The following MTX1 variants were observed in gnomAD, a reference collection of about 807,000 sequenced individuals.
MTX1 encodes the protein metaxin 1.
MTX1 carries 20 observed loss-of-function variants against 39.4 expected under a neutral mutation model. The observed-to-expected ratio is 0.51, with a 90% CI of 0.36 to 0.74. MTX1 has a LOEUF of 0.74. Among genes scored for constraint, MTX1 ranks in the 30% least tolerant of loss-of-function variants. MTX1 has a pLI of 0.00. For missense variants in MTX1, 481 were observed against 485.9 expected, an observed-to-expected ratio of 0.99 and a Z score of 0.10; for synonymous variants, 209 against 198.6, an observed-to-expected ratio of 1.05 and a Z score of -0.44.
intron 6 of MTX1, 152 bp downstream of exon 6, chr1:155,212,922 G>C (rs1268138248): frequency 6.4e-6 from 9 of 1,404,532 alleles, no homozygotes; most frequent in Non-Finnish European, 8.6e-6. Flanking sequence ...GTGTGACTGT[G>C]TGGGGGCCAG....
Position 155,213,362 on chromosome 1 carries a change from T to G in MTX1, c.1157T>G (p.Ile386Ser), listed in dbSNP as rs1571951154. ...AACCTCTGTGCCTATTGTACCCACA[T>G]TCTCAGTCTCTACTTCCCCTGGGAT... ...LHNLCAYCTHILSLYFPWDGA... is the reference protein window; with the variant it reads ...LHNLCAYCTHSLSLYFPWDGA... The change falls in exon 7 of 8, where the codon ATT (isoleucine) becomes AGT (serine). Residue 386 changes from isoleucine (I) to serine (S), a missense_variant. Physicochemically the swap from Ile to Ser is moderately radical, Grantham distance 142. Around this residue, in one of 2 missense-constraint regions of MTX1, gnomAD observed 113 missense variants for 153.2 expected, o/e 0.74. Transcript: ENST00000368376. 4.9e-6 allele frequency: 2 copies of G among 408,682 alleles called. No individual in the cohort carries two copies. Among genetic ancestry groups the G allele is most frequent in the Non-Finnish European group, 8.2e-6 (2 of 243,104 alleles). The allele number at this position is 408,682 out of a possible 1,614,324, so 25.3% of individuals were successfully genotyped here. A position where few individuals can be genotyped will look rare whatever the true frequency, so the allele number is the denominator to read the frequency against.
intron 3 of MTX1, chr1:155,211,826 T>C: frequency 3.8e-6 from 1 of 260,986 alleles, no homozygotes. Context: ...TCAGCGGGCG[T>C]TGTTCCAGCT....
At chr1:155,212,900 G>A in intron 6 of MTX1, 130 bp downstream of exon 6, 1 of 1,333,252 alleles carries the variant, frequency 7.5e-7, no homozygotes, top group Non-Finnish European at 9.9e-7. Flanking sequence ...ATAGAAACTG[G>A]CCCTAGTGAC....
Position 155,210,641 on chromosome 1 carries a change from A to G in MTX1, c.678+14A>G. 1 of 1,610,342 alleles carries G rather than the reference A, an allele frequency of 6.2e-7. No individual in the cohort carries two copies. Among genetic ancestry groups the G allele is most frequent in the Non-Finnish European group, 8.5e-7 (1 of 1,177,268 alleles). ...CTTCGAAAAGAGGTAGGTGACTTGG[A>G]TAGAGGGGGCTGCCAGTGAGAGAAG... On this transcript the variant is annotated intron_variant, in intron 3 of 7. Coordinates refer to ENST00000368376, the MANE Select transcript of MTX1 (RefSeq NM_002455.5).
intron 3 of MTX1, chr1:155,211,075 G>C (rs1671117535): frequency 5.2e-6 from 1 of 192,416 alleles, no homozygotes; most frequent in Non-Finnish European, 1.1e-5. Flanking sequence ...TGTGATCTCG[G>C]GCAGGCCATG....
Position 155,212,536 on chromosome 1 carries a change from G to A in MTX1, c.923G>A (p.Arg308Lys), listed in dbSNP as rs1671165167. ...CTACAGCTGCTGACTGGGGAGCACA[G>A]GCCTGAGGACGAGGAAGAGCTGGAG... ...ERLQLLTGEH[R>K]PEDEEELEKE... The change falls in exon 5 of 8, where the codon AGG becomes AAG. Residue 308 changes from arginine to lysine, a missense_variant. Arg to Lys is a conservative substitution (Grantham distance 26). Around this residue, in one of 2 missense-constraint regions of MTX1, gnomAD observed 113 missense variants for 153.2 expected, o/e 0.74. Transcript: ENST00000368376. The A allele has an allele frequency of 5.0e-6, 8 of 1,612,914 alleles. No individual in the cohort carries two copies. The highest frequency in any genetic ancestry group is 2.2e-5 in the South Asian group (2 of 91,062).
Position 155,209,183 on chromosome 1 carries a change from G to C in MTX1, c.379G>C (p.Gly127Arg). The C allele has an allele frequency of 6.8e-7, 1 of 1,479,930 alleles. No homozygotes were observed. The highest frequency in any genetic ancestry group is 9.0e-7 in the Non-Finnish European group (1 of 1,113,814). 91.7% of individuals were successfully genotyped at this position (1,479,930 alleles called of 1,614,324 possible). A position where few individuals can be genotyped will look rare whatever the true frequency, so the allele number is the denominator to read the frequency against. ...CGCAACGATCGGAGGGGCGGTGGCGGGGGGCGGGCCCAGGCAGGGGAGGGC... is the reference window on the plus strand; with the variant it reads ...CGCAACGATCGGAGGGGCGGTGGCGCGGGGCGGGCCCAGGCAGGGGAGGGC... ...LTATIGGAVA[G>R]GGPRQGRAEA... is the part of the protein sequence containing the mutation. The change falls in exon 1 of 8, where the codon GGG becomes CGG. Residue 127 changes from glycine (G) to arginine (R), a missense_variant. Physicochemically the swap from Gly to Arg is moderately radical, Grantham distance 125 (BLOSUM62 -2). Transcript: ENST00000368376.
In MTX1 at chr1:155,209,141, TC is replaced by T. The variant is rs1341220709; in HGVS notation, c.341del (p.Pro114GlnfsTer4). On this transcript the variant is annotated frameshift_variant, in exon 1 of 8. Transcript: ENST00000368376. LOFTEE classifies it high-confidence loss of function. The part of the protein sequence containing the change: ...ARRSLASPGI[S>X]PGPLTATIGG... The stretch of plus-strand genomic sequence containing the variant: ...AAGAAGCCTCGCCTCCCCGGGGATC[TC>T]CCCAGGCCCCCTGACCGCAACGATC... The T allele has an allele frequency of 1.3e-6, 2 of 1,531,028 alleles. No homozygotes were observed. Among genetic ancestry groups the T allele is most frequent in the East Asian group, 2.5e-5 (1 of 40,384 alleles). 94.8% of individuals were successfully genotyped at this position (1,531,028 alleles called of 1,614,324 possible). A position where few individuals can be genotyped will look rare whatever the true frequency, so the allele number is the denominator to read the frequency against.
At position 155,208,864 on chromosome 1, in the gene MTX1, G is replaced by C. The variant is rs368634289; in HGVS notation, c.60G>C (p.Trp20Cys). The C allele has an allele frequency of 6.2e-7, 1 of 1,610,506 alleles. No homozygotes were observed. Among genetic ancestry groups the C allele is most frequent in the East Asian group, 2.2e-5 (1 of 44,768 alleles). The change falls in exon 1 of 8, where the codon TGG becomes TGC. Residue 20 changes from tryptophan to cysteine, a missense_variant. By Grantham distance (215) the Trp-to-Cys change is radical. Coordinates refer to ENST00000368376, the MANE Select transcript of MTX1 (RefSeq NM_002455.5). The stretch of plus-strand genomic sequence containing the variant: ...CGGGGACGAGCCCCAAGGGGCCCTG[G>C]AGCAGTACAGGCCACGTGCAGTTTG... ...PRSGTSPKGP[W>C]SSTGHVQFGK...
intron 3 of MTX1, 52 bp downstream of exon 3, chr1:155,210,679 T>C: frequency 6.7e-7 from 1 of 1,500,150 alleles, no homozygotes; most frequent in Non-Finnish European, 9.3e-7. Context: ...CAGTCAATTC[T>C]ATACAATACA....
Position 155,213,219 on chromosome 1 carries a change from C to T in MTX1, c.1032-18C>T, listed in dbSNP as rs1315063209. ...CCCAGTGGTTCTCCTCCATCCCACC[C>T]TTCTCTCTCTGCTCCAGCCCTGCCT... is the stretch of plus-strand genomic sequence containing the variant. On this transcript the variant is annotated intron_variant, in intron 6 of 7. Coordinates refer to ENST00000368376, the MANE Select transcript of MTX1 (RefSeq NM_002455.5). 5.9e-6 allele frequency: 3 copies of T among 511,080 alleles called. No homozygotes were observed. Among genetic ancestry groups the T allele is most frequent in the Admixed American group, 3.6e-5 (1 of 27,694 alleles). The allele number at this position is 511,080 out of a possible 1,614,324, so 31.7% of individuals were successfully genotyped here.
chr1:155,212,806 G>A, intron 6 of MTX1, 36 bp downstream of exon 6: 2 of 1,520,934 alleles, frequency 1.3e-6, no homozygotes, highest in Non-Finnish European at 1.8e-6. Flanking sequence ...GGGTGGCTTG[G>A]AAGAAGATAC....
Position 155,210,558 on chromosome 1 carries a change from T to TGC in MTX1, c.610_611dup (p.Leu205ProfsTer60). ...CCCTCTCAATATCAGGAACTCTGCCTGCCCTTCGGACCAGTCATGGAGAGG... is the reference window on the plus strand; with the variant it reads ...CCCTCTCAATATCAGGAACTCTGCCTGCGCCCTTCGGACCAGTCATGGAGAGG... On this transcript the variant is annotated frameshift_variant, in exon 3 of 8. Transcript: ENST00000368376. LOFTEE classifies it high-confidence loss of function. 5 of 1,614,122 alleles carry TGC rather than the reference T, an allele frequency of 3.1e-6. No individual in the cohort carries two copies. Among genetic ancestry groups the TGC allele is most frequent in the Non-Finnish European group, 2.5e-6 (3 of 1,179,960 alleles).
chr1:155,209,280 G>A lies in MTX1; in HGVS notation c.476G>A (p.Trp159Ter). Residue 159 changes from tryptophan to a stop codon, truncating the protein, a stop_gained, in exon 1 of 8, where the codon TGG (tryptophan) becomes TAG (stop). Coordinates refer to ENST00000368376, the MANE Select transcript of MTX1 (RefSeq NM_002455.5). LOFTEE classifies it high-confidence loss of function. ...GCGGCGCCCATGGAGCTGTTCTGCT[G>A]GTCAGGGGGCTGGGGGCTGCCGTCA... The part of the protein sequence containing the change: ...KMAAPMELFC[W>*]SGGWGLPSVD... 6.9e-7 allele frequency: 1 copy of A among 1,446,032 alleles called. No homozygotes were observed. Among genetic ancestry groups the A allele is most frequent in the Non-Finnish European group, 9.1e-7 (1 of 1,098,336 alleles). 89.6% of individuals were successfully genotyped at this position (1,446,032 alleles called of 1,614,324 possible).
rs769014868 is a variant in MTX1 at position 155,208,983 on chromosome 1, GC to G, written c.181del (p.Arg61ValfsTer57). 6.2e-7 allele frequency: 1 copy of G among 1,604,680 alleles called. No homozygotes were observed. The highest frequency in any genetic ancestry group is 1.3e-5 in the African/African-American group (1 of 74,928). ...GTTCGGGGCTCCACTTGGACGAGGC[GC>G]CGTGACTCTCCGAGGCGCGCCGGGC... is the stretch of plus-strand genomic sequence containing the variant. ...SGVRGSTWTR[R>X]RDSPRRAGPT... On this transcript the variant is annotated frameshift_variant, in exon 1 of 8. Transcript: ENST00000368376. LOFTEE classifies it high-confidence loss of function.
rs1215063467 is a variant in MTX1 at position 155,209,288 on chromosome 1, G to T, written c.484G>T (p.Gly162Cys). ...CATGGAGCTGTTCTGCTGGTCAGGG[G>T]GCTGGGGGCTGCCGTCAGTGGACCT... ...APMELFCWSG[G>C]WGLPSVDLDS... The change falls in exon 1 of 8, where the codon GGC (glycine) becomes TGC (cysteine). Residue 162 changes from glycine (G) to cysteine (C), a missense_variant. Physicochemically the swap from Gly to Cys is radical, Grantham distance 159. Transcript: ENST00000368376. 6.9e-7 allele frequency: 1 copy of T among 1,441,076 alleles called. No homozygotes were observed. The highest frequency in any genetic ancestry group is 2.9e-5 in the Admixed American group (1 of 34,418). The allele number at this position is 1,441,076 out of a possible 1,614,324, so 89.3% of individuals were successfully genotyped here. A position where few individuals can be genotyped will look rare whatever the true frequency, so the allele number is the denominator to read the frequency against.
Position 155,212,411 on chromosome 1 carries a change from G to C in MTX1, c.798G>C (p.Lys266Asn), listed in dbSNP as rs181961651. The C allele has an allele frequency of 2.5e-6, 4 of 1,614,204 alleles. No individual in the cohort carries two copies. In the African/African-American group the frequency reaches 5.3e-5, roughly 22 times the overall value. Residue 266 changes from lysine to asparagine, a missense_variant, in exon 5 of 8, where the codon AAG (lysine) becomes AAC (asparagine). By Grantham distance (94) the Lys-to-Asn change is moderately conservative. Around this residue, in one of 2 missense-constraint regions of MTX1, gnomAD observed 113 missense variants for 153.2 expected, o/e 0.74. Coordinates refer to ENST00000368376, the MANE Select transcript of MTX1 (RefSeq NM_002455.5). ...VLVHTFWIDTKNYVEVTRKWY... is the reference protein window; with the variant it reads ...VLVHTFWIDTNNYVEVTRKWY... Reference sequence around the variant, plus strand: ...TACATACTTTTTGGATAGACACCAAGAACTACGTGGAAGTGACCCGGAAGT... The same window carrying C: ...TACATACTTTTTGGATAGACACCAACAACTACGTGGAAGTGACCCGGAAGT...
Position 155,208,723 on chromosome 1 carries a change from G to T in MTX1, c.-82G>T, listed in dbSNP as rs535735384. On this transcript the variant is annotated 5_prime_UTR_variant, in exon 1 of 8. Transcript: ENST00000368376. Reference sequence around the variant, plus strand: ...CAAGCCCCAGCCCGGCCTCCGCTCCGGCCGCCGCCACCGCCCCTGTTTTGT... The same window carrying T: ...CAAGCCCCAGCCCGGCCTCCGCTCCTGCCGCCGCCACCGCCCCTGTTTTGT... 1 of 466,384 alleles carries T rather than the reference G, an allele frequency of 2.1e-6. No homozygotes were observed. The allele number at this position is 466,384 out of a possible 1,614,324, so 28.9% of individuals were successfully genotyped here.
chr1:155,210,727 A>T, intron 3 of MTX1, 100 bp downstream of exon 3: 1 of 1,106,978 alleles, frequency 9.0e-7, no homozygotes, highest in South Asian at 1.3e-5. Context: ...TGCTAGATGC[A>T]GGTGACCCAG....
Sources: gnomAD v4.1 joint callset for allele counts on GRCh38, gnomAD v4.1.1 for gene constraint, gnomAD v4.1.1 regional missense constraint, MANE v1.5 for transcripts, NCBI Gene and HGNC (gene_info 2026-07-23, HGNC 2026-07-21) for gene names.